Variants in PRKG1 observed in about 807,000 individuals in gnomAD.
PRKG1 encodes the protein cGMP-dependent protein kinase 1.
Under a neutral mutation model 88.1 loss-of-function variants are expected in PRKG1, and 35 were observed. The observed-to-expected ratio is 0.40, with a 90% confidence interval of 0.30 to 0.53. The LOEUF (loss-of-function observed/expected upper bound fraction) is 0.53, where lower values mean the gene tolerates loss of function less well. Ranked by LOEUF, PRKG1 falls within the 20% of genes least tolerant of loss-of-function variation. The pLI is 0.59. For missense variants in PRKG1, 540 were observed against 839.8 expected (o/e 0.64, Z 4.41); for synonymous variants, 303 against 292.5 (o/e 1.04, Z -0.37).
intron 2 of PRKG1, among the ~76,000 whole-genome samples, chr10:51,393,196 G>T (rs1837482771): frequency 2.0e-5 from 3 of 151,360 alleles, no homozygotes; most frequent in Admixed American, 6.6e-5. Flanking sequence ...GCGGGGCCGG[G>T]CAGAGGCGCT....
chr10:52,162,328 C>T (rs1838298653), intron 9 of PRKG1, among the ~76,000 whole-genome samples: 3 of 152,002 alleles, frequency 2.0e-5, no homozygotes, highest in Admixed American at 6.6e-5. Context: ...AATAATAAGG[C>T]TAGAAATATT....
At chr10:51,119,171 T>C (rs1242680260) in intron 1 of PRKG1, among the ~76,000 whole-genome samples, 2 of 152,100 alleles carry the variant, frequency 1.3e-5, no homozygotes, top group East Asian at 3.8e-4. Flanking sequence ...ATATAGGCTA[T>C]GGTGTCCCTA....
intron 2 of PRKG1, among the ~76,000 whole-genome samples, chr10:51,353,060 A>G (rs1420262463): frequency 1.3e-5 from 2 of 152,222 alleles, no homozygotes; most frequent in Non-Finnish European, 2.9e-5. Context: ...ACAGTCTTTC[A>G]ATAAATGGTG....
intron 5 of PRKG1, among the ~76,000 whole-genome samples, chr10:52,045,698 T>TTCTAA (rs1283018701): frequency 4.6e-5 from 7 of 152,202 alleles, no homozygotes; most frequent in African/African-American, 1.7e-4. Context: ...ATAACTATAC[T>TTCTAA]TGATGATTAA....
At position 52,016,097 on chromosome 10, in the gene PRKG1, C is replaced by T. The variant is rs184396802; in HGVS notation, c.763-38387C>T. ...TTACTTAGTTCCAAAGTCACTTTCA[C>T]ATTTTTAGGCATCTTTATAGCAGTA... On this transcript the variant is annotated intron_variant, in intron 5 of 17. Coordinates refer to ENST00000373980, the MANE Select transcript of PRKG1 (RefSeq NM_006258.4). 5.9e-5 allele frequency among the ~76,000 whole-genome samples: 9 copies of T among 152,348 alleles called. No homozygotes were observed. The East Asian group carries it at 1.3e-3, about 23-fold the overall frequency.
chr10:51,584,219 C>G (rs1263356126), intron 3 of PRKG1, among the ~76,000 whole-genome samples: 1 of 151,980 alleles, frequency 6.6e-6, no homozygotes, highest in Non-Finnish European at 1.5e-5. Flanking sequence ...AATGCAATAG[C>G]CTTTTGTTTG....
Position 52,297,303 on chromosome 10 carries a change from T to C in PRKG1, c.*3403T>C, listed in dbSNP as rs1842403792. 6.6e-6 allele frequency: 1 copy of C among 152,154 alleles called. No homozygotes were observed. Among genetic ancestry groups the C allele is most frequent in the Non-Finnish European group, 1.5e-5 (1 of 68,018 alleles). 9.4% of individuals were successfully genotyped at this position (152,154 alleles called of 1,614,324 possible). A position where few individuals can be genotyped will look rare whatever the true frequency, so the allele number is the denominator to read the frequency against. On this transcript the variant is annotated 3_prime_UTR_variant, in exon 18 of 18. Coordinates refer to ENST00000373980, the MANE Select transcript of PRKG1 (RefSeq NM_006258.4). Reference sequence around the variant, plus strand: ...GAAAATTATGTCAACTGTACTGTTATTCATCTGTCCCATAGTTTAGAACAT... The same window carrying C: ...GAAAATTATGTCAACTGTACTGTTACTCATCTGTCCCATAGTTTAGAACAT...
At chr10:52,064,389 T>C (rs897514393) in intron 7 of PRKG1, among the ~76,000 whole-genome samples, 1 of 152,106 alleles carries the variant, frequency 6.6e-6, no homozygotes, top group African/African-American at 2.4e-5. Flanking sequence ...AGCCAGGCAG[T>C]GGGAGCAGGC....
At chr10:51,211,359 A>G (rs1359796108) in intron 2 of PRKG1, among the ~76,000 whole-genome samples, 1 of 152,224 alleles carries the variant, frequency 6.6e-6, no homozygotes, top group Admixed American at 6.5e-5. Context: ...AGCCAATATC[A>G]TACTGAATGG....
chr10:51,756,441 T>A (rs1837862120), intron 3 of PRKG1, among the ~76,000 whole-genome samples: 2 of 149,552 alleles, frequency 1.3e-5, no homozygotes, highest in African/African-American at 5.0e-5. Flanking sequence ...GAGACGAGGT[T>A]GTGCCACTGC....
intron 1 of PRKG1, among the ~76,000 whole-genome samples, chr10:51,127,800 C>T (rs891699258): frequency 5.3e-5 from 8 of 152,158 alleles, no homozygotes; most frequent in African/African-American, 1.7e-4. Context: ...GAGTTCATGC[C>T]CTTTGCAGGG....
At chr10:51,455,731 A>G (rs898209677) in intron 2 of PRKG1, among the ~76,000 whole-genome samples, 1 of 152,220 alleles carries the variant, frequency 6.6e-6, no homozygotes, top group East Asian at 1.9e-4. Context: ...TTTATTGTCC[A>G]TATCACTGGC....
chr10:51,532,356 T>C (rs968123767), intron 3 of PRKG1, among the ~76,000 whole-genome samples: 4 of 152,244 alleles, frequency 2.6e-5, no homozygotes, highest in African/African-American at 7.2e-5. Context: ...ATACTCCATA[T>C]ACAATTTTCC....
intron 8 of PRKG1, among the ~76,000 whole-genome samples, chr10:52,161,396 G>C (rs1011849810): frequency 6.6e-6 from 1 of 151,922 alleles, no homozygotes; most frequent in Non-Finnish European, 1.5e-5. Flanking sequence ...GTGAACCTTA[G>C]TTTACTATTT....
chr10:51,750,792 G>T (rs1393001011), intron 3 of PRKG1, among the ~76,000 whole-genome samples: 2 of 151,890 alleles, frequency 1.3e-5, no homozygotes, highest in Non-Finnish European at 1.5e-5. Context: ...AGCATTGGAA[G>T]AAAAACTATA....
In PRKG1 at chr10:51,078,383, C is replaced by T. The variant is rs564273471; in HGVS notation, c.311+3482C>T. Reference sequence around the variant, plus strand: ...ACAGGCACGTGCCACCAATGCCTGGCTATTTTTTTTTTTTTTTTTTTTTTT... The same window carrying T: ...ACAGGCACGTGCCACCAATGCCTGGTTATTTTTTTTTTTTTTTTTTTTTTT... On this transcript the variant is annotated intron_variant, in intron 1 of 17. Coordinates refer to ENST00000373980, the MANE Select transcript of PRKG1 (RefSeq NM_006258.4). 2.5e-3 allele frequency among the ~76,000 whole-genome samples: 302 copies of T among 123,100 alleles called. 7 individuals are homozygous for T. The highest frequency in any genetic ancestry group is 0.023 in the Admixed American group (272 of 11,966). 80.8% of individuals were successfully genotyped at this position (123,100 alleles called of 152,430 possible). A position where few individuals can be genotyped will look rare whatever the true frequency, so the allele number is the denominator to read the frequency against.
intron 3 of PRKG1, among the ~76,000 whole-genome samples, chr10:51,690,600 G>A (rs1841111365): frequency 6.6e-6 from 1 of 152,060 alleles, no homozygotes; most frequent in Admixed American, 6.6e-5. Flanking sequence ...GAGAGTCAGA[G>A]GTTGGCAGGT....
chr10:52,146,296 A>T (rs1837725782), intron 8 of PRKG1, among the ~76,000 whole-genome samples: 1 of 152,194 alleles, frequency 6.6e-6, no homozygotes, highest in Non-Finnish European at 1.5e-5. Context: ...AAAGGGAATT[A>T]CTGTTGATAA....
rs531509793 is a variant in PRKG1, at chr10:50,991,543, C to T, written c.165C>T (p.Gly55=). The T allele has an allele frequency of 1.2e-5, 19 of 1,609,438 alleles. No homozygotes were observed. In the South Asian group the frequency reaches 1.6e-4, roughly 13 times the overall value. ...TCCCAGTGCCCTCGACCCACATCGG[C>T]CCCCGGACCACCCGGGCGCAGGGCA... is the stretch of plus-strand genomic sequence containing the variant. The change falls in exon 1 of 18, where the codon GGC becomes GGT. Residue 55 remains glycine (G), a synonymous_variant. Coordinates refer to the PRKG1 transcript ENST00000401604. The surrounding 1 kb of genome is among the most constrained non-coding windows in gnomAD (Gnocchi z 4.5).
Sources: allele counts gnomAD v4.1 joint callset (sites outside exome capture counted in the v4.1 genomes callset), GRCh38; gene constraint gnomAD v4.1.1; non-coding constraint Gnocchi (gnomAD v3.1); transcripts MANE v1.5; gene names NCBI Gene and HGNC (gene_info 2026-07-23, HGNC 2026-07-21).